JADE3: variants seen among roughly 807,000 people sequenced by gnomAD.
JADE3 encodes the protein protein Jade-3.
A neutral mutation model predicts 50.1 loss-of-function variants in JADE3; 2 were observed. The ratio of observed to expected loss-of-function variants is 0.04; its 90% CI spans 0.02 to 0.13. The LOEUF (loss-of-function observed/expected upper bound fraction) is 0.13, where lower values mean the gene tolerates loss of function less well. Among genes scored for constraint, JADE3 ranks in the 10% least tolerant of loss-of-function variants. The pLI is 1.00. For synonymous variants in JADE3, 218 were observed against 232.9 expected (o/e 0.94, Z 0.58); for missense variants, 475 against 634.4 (o/e 0.75, Z 2.70).
chrX:46,925,822 T>TAAA (rs35435904), intron 1 of JADE3, among the ~76,000 whole-genome samples: 1 of 79,581 alleles, frequency 1.3e-5, no homozygotes, highest in East Asian at 4.0e-4. Context: ...AGACTCCGTC[T>TAAA]AAAAAAAAAA....
In JADE3 at chrX:47,034,348, T is replaced by C. The variant is rs181464199; in HGVS notation, c.855+560T>C. Among the ~76,000 whole-genome samples the C allele has an allele frequency of 3.0e-4, 33 of 111,577 alleles. 1 individual carries two copies. In the East Asian group the frequency reaches 6.2e-3, roughly 21 times the overall value. ...ACCACCATTTTTGTCTTGATCATGATAGATTAATTTTATCTGGTTTTAAAC... is the reference window on the plus strand; with the variant it reads ...ACCACCATTTTTGTCTTGATCATGACAGATTAATTTTATCTGGTTTTAAAC... On this transcript the variant is annotated intron_variant, in intron 7 of 10. Coordinates refer to ENST00000614628, the MANE Select transcript of JADE3 (RefSeq NM_014735.5).
At chrX:46,917,700 C>A (rs1348811662) in intron 1 of JADE3, among the ~76,000 whole-genome samples, 1 of 110,073 alleles carries the variant, frequency 9.1e-6, no homozygotes, top group Non-Finnish European at 1.9e-5. Flanking sequence ...GAAAGATTGA[C>A]AGGGCCTTAC....
chrX:46,992,360 G>A (rs1928034851), intron 3 of JADE3, among the ~76,000 whole-genome samples: 1 of 60,787 alleles, frequency 1.6e-5, no homozygotes, highest in African/African-American at 6.6e-5. Context: ...AAGCTTGCAA[G>A]CGGGTGGGAC....
At chrX:46,971,108 A>ATTTTTTTTTTTTTTTTTTTTT (rs199889056) in intron 1 of JADE3, among the ~76,000 whole-genome samples, 1 of 46,028 alleles carries the variant, frequency 2.2e-5, no homozygotes, top group Non-Finnish European at 3.7e-5. Flanking sequence ...GGTAGTTGAA[A>ATTTTTTTTTTTTTTTTTTTTT]TTTTTTTTTT....
chrX:47,010,801 T>C (rs1274444291), intron 4 of JADE3, among the ~76,000 whole-genome samples: 1 of 111,191 alleles, frequency 9.0e-6, no homozygotes, highest in African/African-American at 3.3e-5. Context: ...TTTTCAGACG[T>C]TTCTCTTTCT....
chrX:47,009,196 G>A (rs1928503400), intron 4 of JADE3, among the ~76,000 whole-genome samples: 1 of 110,732 alleles, frequency 9.0e-6, no homozygotes, highest in Non-Finnish European at 1.9e-5. Flanking sequence ...GGTGGCATGC[G>A]CCTGTAGTGG....
intron 4 of JADE3, among the ~76,000 whole-genome samples, chrX:47,003,111 AT>A (rs1466824162): frequency 9.0e-6 from 1 of 110,898 alleles, no homozygotes; most frequent in Non-Finnish European, 1.9e-5. Context: ...ACATTGATTG[AT>A]TTTTTTTAAT....
intron 1 of JADE3, among the ~76,000 whole-genome samples, chrX:46,956,427 A>G (rs782387092): frequency 8.8e-6 from 1 of 113,204 alleles, no homozygotes; most frequent in African/African-American, 3.2e-5. Flanking sequence ...GGATTTTAAT[A>G]TAATGGAAAA....
intron 1 of JADE3, among the ~76,000 whole-genome samples, chrX:46,973,181 G>A (rs1556350878): frequency 1.8e-5 from 2 of 112,441 alleles, no homozygotes; most frequent in Non-Finnish European, 3.7e-5. Context: ...GGGTAAGCCT[G>A]GTTCCTGGTG....
rs113355463 is a variant in JADE3, at chrX:46,944,307, CTTT to C, written c.-12+31601_-12+31603del. ...CATTGAATTGAGATCTTTCTCACTTCTTTTTTTTTTTTTTTGAGACTGAGTATT... is the reference window on the plus strand; with the variant it reads ...CATTGAATTGAGATCTTTCTCACTTCTTTTTTTTTTTTGAGACTGAGTATT... On this transcript the variant is annotated intron_variant, in intron 1 of 10. Coordinates refer to ENST00000614628, the MANE Select transcript of JADE3 (RefSeq NM_014735.5). Among the ~76,000 whole-genome samples the C allele has an allele frequency of 1.6e-3, 139 of 87,561 alleles. No homozygotes were observed. In the South Asian group the frequency reaches 0.026, roughly 17 times the overall value. The allele number at this position is 87,561 out of a possible 115,157, so 76.0% of individuals were successfully genotyped here.
At chrX:46,936,445 T>C (rs1351437263) in intron 1 of JADE3, among the ~76,000 whole-genome samples, 4 of 111,925 alleles carry the variant, frequency 3.6e-5, no homozygotes, top group African/African-American at 1.3e-4. Context: ...GTCTGTAGTT[T>C]TCTCTTTTTG....
chrX:46,946,786 A>G (rs1556343547), intron 1 of JADE3, among the ~76,000 whole-genome samples: 1 of 112,063 alleles, frequency 8.9e-6, no homozygotes, highest in African/African-American at 3.2e-5. Flanking sequence ...CACAGGAATC[A>G]GTAAACTACA....
chrX:47,038,917 A>G, intron 7 of JADE3, 32 bp from the exon 8 acceptor site: 1 of 801,357 alleles, frequency 1.2e-6, no homozygotes, highest in Middle Eastern at 2.8e-4. Context: ...ATGCCTTGGT[A>G]CTTCTGCCTT....
intron 1 of JADE3, among the ~76,000 whole-genome samples, chrX:46,961,340 T>C (rs144000838): frequency 9.3e-4 from 104 of 111,768 alleles, no homozygotes; most frequent in African/African-American, 3.2e-3. Flanking sequence ...CTGAACTTGT[T>C]TTTAGGTGGT....
At chrX:46,961,379 AT>A (rs1927255181) in intron 1 of JADE3, among the ~76,000 whole-genome samples, 1 of 112,396 alleles carries the variant, frequency 8.9e-6, no homozygotes, top group African/African-American at 3.2e-5. Context: ...CAAAGTAGTT[AT>A]GTGGGGTTCT....
chrX:47,048,973 A>C (rs2146987672), intron 8 of JADE3, among the ~76,000 whole-genome samples: 1 of 111,781 alleles, frequency 8.9e-6, no homozygotes, highest in South Asian at 3.7e-4. Context: ...CACAATGAGA[A>C]CAGTGCTATC....
At chrX:46,956,062 G>GTGTTT (rs782020240) in intron 1 of JADE3, among the ~76,000 whole-genome samples, 9 of 109,145 alleles carry the variant, frequency 8.2e-5, no homozygotes, top group East Asian at 5.8e-4. Context: ...CTTTTTTTGT[G>GTGTTT]TGTTTTGTTT....
chrX:46,985,837 T>A, intron 3 of JADE3, 45 bp downstream of exon 3: 7 of 896,204 alleles, frequency 7.8e-6, no homozygotes, highest in Non-Finnish European at 9.8e-6. Context: ...ATAGTTTGGA[T>A]GCTTGTCTTC....
chrX:47,023,780 G>A (rs1293676034), intron 4 of JADE3, among the ~76,000 whole-genome samples: 1 of 112,103 alleles, frequency 8.9e-6, no homozygotes, highest in Non-Finnish European at 1.9e-5. Flanking sequence ...GGTGGCACTT[G>A]CCTGTAATCC....
Sources: gnomAD v4.1 joint callset for allele counts (sites outside exome capture counted in the v4.1 genomes callset) on GRCh38, gnomAD v4.1.1 for gene constraint, MANE v1.5 for transcripts, NCBI Gene and HGNC (gene_info 2026-07-23, HGNC 2026-07-21) for gene names.